The following ATP10B variants were observed in gnomAD, a reference collection of about 807,000 sequenced individuals.
The protein encoded by ATP10B is phospholipid-transporting ATPase VB.
A neutral mutation model predicts 141.2 loss-of-function variants in ATP10B; 122 were observed. The observed-to-expected ratio is 0.86, with a 90% confidence interval of 0.75 to 1.00. ATP10B has a LOEUF of 1.00. Ranked by LOEUF, ATP10B falls within the 50% of genes least tolerant of loss-of-function variation. ATP10B has a pLI of 0.00. For synonymous variants in ATP10B, 685 were observed against 692.0 expected (o/e 0.99, Z 0.16); for missense variants, 1,876 against 1,825.3 (o/e 1.03, Z -0.51).
At chr5:160,613,931 C>T (rs1250445480) in intron 17 of ATP10B, 1 of 152,086 alleles carries the variant, frequency 6.6e-6, no homozygotes, top group African/African-American at 2.4e-5. Context: ...TTTTAATAAT[C>T]CAGAGTGACA....
At chr5:160,785,538 C>A in intron 2 of ATP10B, 21 bp downstream of exon 2, 1 of 574,404 alleles carries the variant, frequency 1.7e-6, no homozygotes, top group Non-Finnish European at 3.0e-6. Context: ...GACCCCACTG[C>A]CCAAGAAGTA....
At chr5:160,858,521 G>C in the ATP10B span, among the ~76,000 whole-genome samples, 2 of 151,888 alleles carry the variant, frequency 1.3e-5, no homozygotes, top group African/African-American at 4.8e-5. Context: ...CAGTGGGTCT[G>C]TAACTGGAGG....
At chr5:160,861,146 G>A in the ATP10B span, among the ~76,000 whole-genome samples, 1 of 151,606 alleles carries the variant, frequency 6.6e-6, no homozygotes, top group Non-Finnish European at 1.5e-5. Flanking sequence ...ACCATCTTTT[G>A]GCCATTTTTG....
At chr5:160,902,491 C>T in the ATP10B span, among the ~76,000 whole-genome samples, 2 of 152,248 alleles carry the variant, frequency 1.3e-5, no homozygotes, top group South Asian at 2.1e-4. Flanking sequence ...GAGACCTACA[C>T]GGATTAAACT....
intron 22 of ATP10B, among the ~76,000 whole-genome samples, chr5:160,594,659 A>G (rs971504051): frequency 4.0e-5 from 6 of 151,430 alleles, no homozygotes; most frequent in African/African-American, 1.5e-4. Context: ...ATGTGCAGAG[A>G]CACACATAGG....
At chr5:160,623,017 T>C (rs1758437547) in intron 13 of ATP10B, among the ~76,000 whole-genome samples, 1 of 152,252 alleles carries the variant, frequency 6.6e-6, no homozygotes, top group South Asian at 2.1e-4. Context: ...AGATATCCAT[T>C]GTTAGCGTGA....
intron 24 of ATP10B, among the ~76,000 whole-genome samples, chr5:160,579,790 T>C (rs1755427418): frequency 6.6e-6 from 1 of 152,192 alleles, no homozygotes; most frequent in South Asian, 2.1e-4. Flanking sequence ...ATTCTTCCTA[T>C]CCATGAGCAT....
intron 2 of ATP10B, among the ~76,000 whole-genome samples, chr5:160,730,019 G>A (rs1766626618): frequency 6.6e-6 from 1 of 152,140 alleles, no homozygotes; most frequent in Admixed American, 6.5e-5. Flanking sequence ...CATGCTAACA[G>A]CAATAATATA....
In ATP10B at chr5:160,836,283, A is replaced by C. The variant is rs10053965; in HGVS notation, c.-576+15658T>G. Among the ~76,000 whole-genome samples the C allele has an allele frequency of 6.0e-3, 915 of 152,296 alleles. 13 individuals carry two copies. The highest frequency in any genetic ancestry group is 0.021 in the African/African-American group (871 of 41,562). On this transcript the variant is annotated intron_variant, in intron 1 of 25. Coordinates refer to ENST00000327245, the MANE Select transcript of ATP10B (RefSeq NM_025153.3). Reference sequence around the variant, plus strand: ...TTGGGCAACTAAACCTTGGATGACCACAAAACTCTGTAAATTCATTACTCA... The same window carrying C: ...TTGGGCAACTAAACCTTGGATGACCCCAAAACTCTGTAAATTCATTACTCA...
the ATP10B span, among the ~76,000 whole-genome samples, chr5:160,888,061 A>G: frequency 6.6e-6 from 1 of 152,264 alleles, no homozygotes; most frequent in East Asian, 1.9e-4. Flanking sequence ...ATATGGACAA[A>G]GGAGCCTGTC....
intron 1 of ATP10B, among the ~76,000 whole-genome samples, chr5:160,822,969 A>G (rs1244992151): frequency 7.6e-6 from 1 of 131,458 alleles, no homozygotes; most frequent in Non-Finnish European, 1.6e-5. Context: ...AAGGGTGACT[A>G]TAGTAAAAAA....
rs757693473 is a variant in ATP10B at position 160,632,210 on chromosome 5, C to T, written c.1539G>A (p.Val513=). The T allele has an allele frequency of 6.2e-7, 1 of 1,614,178 alleles. No homozygotes were observed. The highest frequency in any genetic ancestry group is 8.5e-7 in the Non-Finnish European group (1 of 1,180,020). The part of the protein sequence containing the change: ...QPLRRSQSAR[V]PIQGHYRQRS... ...TTTGCCGGTAGTGGCCCTGGATGGG[C>T]ACCCGGGCACTCTGGCTCCTCCTCA... Residue 513 remains valine (V), a synonymous_variant, in exon 13 of 26, where the codon GTG becomes GTA. Transcript: ENST00000327245.
the ATP10B span, among the ~76,000 whole-genome samples, chr5:160,919,021 C>T: frequency 6.6e-6 from 1 of 150,998 alleles, no homozygotes; most frequent in East Asian, 2.0e-4. Flanking sequence ...GTCAGGAGAT[C>T]AAGACCATCC....
chr5:160,589,794 A>G (rs1756158864), intron 23 of ATP10B, 98 bp from the exon 24 acceptor site: 1 of 859,002 alleles, frequency 1.2e-6, no homozygotes, highest in Non-Finnish European at 1.9e-6. Context: ...GCAGTTGTCA[A>G]TGGAGAAGGA....
Position 160,598,902 on chromosome 5 carries a change from GT to G in ATP10B, c.3431del (p.Tyr1144SerfsTer4). ...AGAGATTGAAGAATATCATCTGCCAGTAATCAATCATGGTGGAGCTGGAGAA... is the reference window on the plus strand; with the variant it reads ...AGAGATTGAAGAATATCATCTGCCAGAATCAATCATGGTGGAGCTGGAGAA... ...CGFSSSTMID[Y>X]WQMIFFNLFF... is the part of the protein sequence containing the mutation. On this transcript the variant is annotated frameshift_variant, in exon 22 of 26. Transcript: ENST00000327245. LOFTEE classifies it high-confidence loss of function. 6.2e-7 allele frequency: 1 copy of G among 1,614,196 alleles called. No individual in the cohort carries two copies. The highest frequency in any genetic ancestry group is 8.5e-7 in the Non-Finnish European group (1 of 1,180,010).
At chr5:160,735,078 A>G in intron 2 of ATP10B, among the ~76,000 whole-genome samples, 1 of 151,680 alleles carries the variant, frequency 6.6e-6, no homozygotes, top group Admixed American at 6.5e-5. Context: ...GGAAAGAAAG[A>G]AAGTAGGAAG....
the ATP10B span, among the ~76,000 whole-genome samples, chr5:160,883,206 G>A: frequency 3.3e-5 from 5 of 152,078 alleles, no homozygotes; most frequent in Non-Finnish European, 7.4e-5. Context: ...TGCATATAAA[G>A]GCAACAGAGA....
chr5:160,827,831 A>T (rs1395322764), intron 1 of ATP10B, among the ~76,000 whole-genome samples: 1 of 152,168 alleles, frequency 6.6e-6, no homozygotes, highest in Non-Finnish European at 1.5e-5. Context: ...AAAGCAATTC[A>T]TTTATTAAAT....
At chr5:160,781,787 T>C (rs1054406661) in intron 2 of ATP10B, among the ~76,000 whole-genome samples, 1 of 152,104 alleles carries the variant, frequency 6.6e-6, no homozygotes, top group Non-Finnish European at 1.5e-5. Flanking sequence ...TGTTTAAAAA[T>C]GGAAGTAAAA....
Sources: gnomAD v4.1 joint callset for allele counts (sites outside exome capture counted in the v4.1 genomes callset) on GRCh38, gnomAD v4.1.1 for gene constraint, MANE v1.5 for transcripts, NCBI Gene and HGNC (gene_info 2026-07-23, HGNC 2026-07-21) for gene names.